Variants in KAT14 observed in about 807,000 individuals in gnomAD.
KAT14 encodes cysteine-rich protein 2-binding protein.
In KAT14, 66 loss-of-function variants were observed where a neutral mutation model predicts 78.4. That is an observed-to-expected ratio of 0.84 (90% CI 0.69 to 1.03). The LOEUF (loss-of-function observed/expected upper bound fraction) is 1.03, where lower values mean the gene tolerates loss of function less well. KAT14 is among the 50% of genes least tolerant of loss of function. The probability of loss-of-function intolerance (pLI) is 0.00; values close to 1 mark genes in which losing one functional copy is unlikely to be tolerated. For synonymous variants in KAT14, 344 were observed against 359.4 expected (o/e 0.96, Z 0.48); for missense variants, 870 against 972.5 (o/e 0.89, Z 1.40).
chr20:18,177,323 G>T (rs559591829), intron 7 of KAT14, among the ~76,000 whole-genome samples: 4 of 152,278 alleles, frequency 2.6e-5, no homozygotes, highest in African/African-American at 9.6e-5. Context: ...CTCCAAGAGG[G>T]AGAAAGTGGA....
chr20:18,179,390 T>C (rs2039166600), intron 7 of KAT14, among the ~76,000 whole-genome samples: 1 of 152,230 alleles, frequency 6.6e-6, no homozygotes, highest in South Asian at 2.1e-4. Context: ...GGCCCTGCCC[T>C]GACAGCAAAC....
At chr20:18,167,401 T>C (rs2038678479) in intron 7 of KAT14, among the ~76,000 whole-genome samples, 1 of 152,244 alleles carries the variant, frequency 6.6e-6, no homozygotes, top group Non-Finnish European at 1.5e-5. Context: ...AGTAAAGCTT[T>C]ATATGCTTGT....
intron 3 of KAT14, among the ~76,000 whole-genome samples, chr20:18,147,509 A>G (rs1406281122): frequency 2.0e-5 from 3 of 152,206 alleles, no homozygotes; most frequent in African/African-American, 7.2e-5. Flanking sequence ...TTTAAAAGAA[A>G]AGCTGGCTTT....
chr20:18,180,280 A>G (rs2039200904), intron 7 of KAT14, among the ~76,000 whole-genome samples: 1 of 152,206 alleles, frequency 6.6e-6, no homozygotes, highest in Non-Finnish European at 1.5e-5. Context: ...AAATGCCAGC[A>G]GTCTCTTTGC....
Position 18,162,228 on chromosome 20 carries a change from C to T in KAT14, c.1088C>T (p.Ala363Val), listed in dbSNP as rs1376668341. Reference protein sequence around the residue: ...DLIPDVMPPQALFHDDDEMEG... With the variant: ...DLIPDVMPPQVLFHDDDEMEG... ...ATTCCAGATGTGATGCCCCCACAAG[C>T]CTTGTTTCATGGTAAGAGTTTGTTT... The change falls in exon 6 of 11, where the codon GCC becomes GTC. Residue 363 changes from alanine to valine, a missense_variant. Coordinates refer to ENST00000688188, the MANE Select transcript of KAT14 (RefSeq NM_001392073.1). 2 of 1,613,976 alleles carry T rather than the reference C, an allele frequency of 1.2e-6. No homozygotes were observed. The highest frequency in any genetic ancestry group is 8.5e-7 in the Non-Finnish European group (1 of 1,179,986).
At chr20:18,138,315 A>C (rs1176597744) in intron 1 of KAT14, 1 of 1,165,238 alleles carries the variant, frequency 8.6e-7, no homozygotes, top group East Asian at 4.0e-5. Context: ...CTCCGCGCTG[A>C]AGGGGCCTTG....
In KAT14 at chr20:18,183,285, G is replaced by A; in HGVS notation, c.1968G>A (p.Glu656=). The change falls in exon 9 of 11, where the codon GAG becomes GAA. Residue 656 remains glutamate (E), a synonymous_variant. Transcript: ENST00000688188. ...HIPTINSMCQ[E]FFWPGIDLSE... ...CAACGATCAACTCCATGTGTCAGGA[G>A]TTTTTTTGGCCTGGTATGTTCCCCC... The A allele has an allele frequency of 6.2e-7, 1 of 1,613,418 alleles. No individual in the cohort carries two copies. The highest frequency in any genetic ancestry group is 8.5e-7 in the Non-Finnish European group (1 of 1,179,684).
chr20:18,180,772 C>T (rs935776047), intron 7 of KAT14, among the ~76,000 whole-genome samples: 10 of 144,420 alleles, frequency 6.9e-5, no homozygotes, highest in African/African-American at 1.5e-4. Context: ...AACAAAACAT[C>T]GGACCTTGTG....
intron 1 of KAT14, among the ~76,000 whole-genome samples, chr20:18,141,120 C>T (rs996657062): frequency 2.7e-5 from 4 of 146,272 alleles, no homozygotes; most frequent in Non-Finnish European, 5.9e-5. Context: ...CTCAAGCAGT[C>T]TGCCTGCCTT....
At position 18,149,044 on chromosome 20, in the gene KAT14, T is replaced by C. The variant is rs955880194; in HGVS notation, c.379-1777T>C. Among the ~76,000 whole-genome samples, 3 of 152,194 alleles carry C rather than the reference T, an allele frequency of 2.0e-5. No individual in the cohort carries two copies. The East Asian group carries it at 5.8e-4, about 29-fold the overall frequency. On this transcript the variant is annotated intron_variant, in intron 3 of 10. Coordinates refer to ENST00000688188, the MANE Select transcript of KAT14 (RefSeq NM_001392073.1). The stretch of plus-strand genomic sequence containing the variant: ...ATTTTCAAGTAAATATGTAAGCTTT[T>C]TAGGGTCATAAAATGTCTCAATTAT...
At chr20:18,159,052 GC>G (rs761634483) in intron 4 of KAT14, 31 bp from the exon 5 acceptor site, 1 of 1,579,550 alleles carries the variant, frequency 6.3e-7, no homozygotes, top group African/African-American at 1.4e-5. Context: ...GAGCAAAAGT[GC>G]CAATCATTTT....
chr20:18,178,375 TA>T (rs1189424136), intron 7 of KAT14, among the ~76,000 whole-genome samples: 3 of 152,040 alleles, frequency 2.0e-5, no homozygotes, highest in Non-Finnish European at 4.4e-5. Flanking sequence ...TTGTCAAATT[TA>T]TTCACTGGAA....
chr20:18,143,682 C>T (rs2037694758), intron 2 of KAT14, among the ~76,000 whole-genome samples: 1 of 144,562 alleles, frequency 6.9e-6, no homozygotes, highest in East Asian at 2.0e-4. Context: ...GGCTGGAGTG[C>T]AATGGCATGA....
chr20:18,183,342 G>A (rs1254759837), intron 9 of KAT14, 44 bp downstream of exon 9: 3 of 1,528,720 alleles, frequency 2.0e-6, no homozygotes, highest in Non-Finnish European at 2.6e-6. Flanking sequence ...TTTCTGTACA[G>A]TCCATTCTAG....
Position 18,181,817 on chromosome 20 carries a change from T to C in KAT14, c.1776T>C (p.Tyr592=), listed in dbSNP as rs1254367780. The C allele has an allele frequency of 3.1e-6, 5 of 1,614,050 alleles. No individual in the cohort carries two copies. The highest frequency in any genetic ancestry group is 2.2e-5 in the East Asian group (1 of 44,892). The change falls in exon 8 of 11, where the codon TAT becomes TAC. Residue 592 remains tyrosine, a synonymous_variant. Coordinates refer to ENST00000688188, the MANE Select transcript of KAT14 (RefSeq NM_001392073.1). The part of the protein sequence containing the change: ...MAVDQSIVSP[Y]TSRILKPYIR... ...TGGACCAGAGTATTGTCAGCCCTTA[T>C]ACCTCTCGGATCTTGAAACCTTATA... is the stretch of plus-strand genomic sequence containing the variant.
chr20:18,165,824 C>T (rs34105020), intron 7 of KAT14, among the ~76,000 whole-genome samples: 1 of 152,120 alleles, frequency 6.6e-6, no homozygotes, highest in African/African-American at 2.4e-5. Context: ...TATTTCCTGC[C>T]TGAGCTGACA....
intron 3 of KAT14, among the ~76,000 whole-genome samples, chr20:18,147,098 C>T (rs1393547872): frequency 6.6e-6 from 1 of 152,162 alleles, no homozygotes; most frequent in Non-Finnish European, 1.5e-5. Flanking sequence ...TTTTAAATTA[C>T]ACCATTTTAG....
intron 4 of KAT14, 126 bp from the exon 5 acceptor site, chr20:18,158,958 C>T (rs1047659779): frequency 2.1e-5 from 25 of 1,190,792 alleles, no homozygotes; most frequent in East Asian, 2.8e-5. Flanking sequence ...GCCTCTCGTG[C>T]TCTGCTCCTT....
chr20:18,139,397 T>G (rs2037435311), intron 1 of KAT14, among the ~76,000 whole-genome samples: 1 of 152,138 alleles, frequency 6.6e-6, no homozygotes, highest in East Asian at 1.9e-4. Context: ...TAGGGATGGA[T>G]TAGAGCTTGG....
Sources: gnomAD v4.1 joint callset for allele counts (sites outside exome capture counted in the v4.1 genomes callset) on GRCh38, gnomAD v4.1.1 for gene constraint, MANE v1.5 for transcripts, NCBI Gene and HGNC (gene_info 2026-07-23, HGNC 2026-07-21) for gene names.